Variants in NECAB1 observed in about 807,000 individuals in gnomAD.
NECAB1 encodes the protein N-terminal EF-hand calcium binding protein 1, also known as N-terminal EF-hand calcium-binding protein 1.
NECAB1 carries 29 observed loss-of-function variants against 57.5 expected under a neutral mutation model. The observed-to-expected ratio is 0.50, with a 90% CI of 0.38 to 0.69. The LOEUF is 0.69. Among genes scored for constraint, NECAB1 ranks in the 30% least tolerant of loss-of-function variants. NECAB1 has a pLI of 0.00. For missense variants in NECAB1, 372 were observed against 413.8 expected, an observed-to-expected ratio of 0.90 and a Z score of 0.88; for synonymous variants, 142 against 147.7, an observed-to-expected ratio of 0.96 and a Z score of 0.28.
At chr8:90,880,556 A>T (rs1051624032) in intron 4 of NECAB1, among the ~76,000 whole-genome samples, 1 of 151,208 alleles carries the variant, frequency 6.6e-6, no homozygotes, top group African/African-American at 2.4e-5. Flanking sequence ...AGATTGTGAC[A>T]GGGACAGTTA....
rs758397931 is a variant in NECAB1 at position 90,957,062 on chromosome 8, T to C, written c.*1550T>C. 4 of 151,562 alleles carry C rather than the reference T, an allele frequency of 2.6e-5. No individual in the cohort carries two copies. The highest frequency in any genetic ancestry group is 5.9e-5 in the Non-Finnish European group (4 of 67,836). The allele number at this position is 151,562 out of a possible 1,614,324, so 9.4% of individuals were successfully genotyped here. A position where few individuals can be genotyped will look rare whatever the true frequency, so the allele number is the denominator to read the frequency against. On this transcript the variant is annotated 3_prime_UTR_variant, in exon 13 of 13. Coordinates refer to ENST00000417640, the MANE Select transcript of NECAB1 (RefSeq NM_022351.5). Reference sequence around the variant, plus strand: ...CCTGGGTCAACTCTTTTAATTTATATACAAAGCAAAGAACAACATTAATGG... The same window carrying C: ...CCTGGGTCAACTCTTTTAATTTATACACAAAGCAAAGAACAACATTAATGG...
intron 3 of NECAB1, among the ~76,000 whole-genome samples, chr8:90,870,563 A>G (rs1007061781): frequency 6.6e-6 from 1 of 152,154 alleles, no homozygotes; most frequent in Non-Finnish European, 1.5e-5. Context: ...TGCCTCCTCT[A>G]CTACTATTTA....
chr8:90,894,396 T>G (rs186865928), intron 5 of NECAB1, among the ~76,000 whole-genome samples: 26 of 152,264 alleles, frequency 1.7e-4, no homozygotes, highest in Non-Finnish European at 1.3e-4. Context: ...TCAGAATATG[T>G]GGGATAAATG....
chr8:90,841,797 A>G (rs1812460922), intron 3 of NECAB1, among the ~76,000 whole-genome samples: 1 of 152,244 alleles, frequency 6.6e-6, no homozygotes, highest in Non-Finnish European at 1.5e-5. Flanking sequence ...CAGAAAAGCA[A>G]TCTGAATCCT....
At chr8:90,901,819 G>A (rs1015339831) in intron 5 of NECAB1, among the ~76,000 whole-genome samples, 8 of 152,074 alleles carry the variant, frequency 5.3e-5, no homozygotes, top group Admixed American at 5.2e-4. Flanking sequence ...ACATTTAATG[G>A]AGGAATGAGA....
intron 1 of NECAB1, among the ~76,000 whole-genome samples, chr8:90,798,393 C>G (rs952920732): frequency 6.6e-6 from 1 of 152,160 alleles, no homozygotes; most frequent in Non-Finnish European, 1.5e-5. Context: ...ATGATTCCAT[C>G]ACCCAGGTAG....
chr8:90,868,563 C>T (rs532774260), intron 3 of NECAB1, among the ~76,000 whole-genome samples: 16 of 152,258 alleles, frequency 1.1e-4, no homozygotes, highest in Non-Finnish European at 5.9e-5. Flanking sequence ...TGCCCCTGTT[C>T]TAAGGATCTG....
intron 6 of NECAB1, among the ~76,000 whole-genome samples, chr8:90,922,485 G>GTTTTTT: frequency 1.5e-5 from 1 of 65,220 alleles, no homozygotes; most frequent in East Asian, 1.0e-3. Context: ...CAAAAACTTG[G>GTTTTTT]ATTTTTTTTT....
At chr8:90,890,829 A>G (rs1473414511) in intron 5 of NECAB1, among the ~76,000 whole-genome samples, 1 of 152,190 alleles carries the variant, frequency 6.6e-6, no homozygotes, top group East Asian at 1.9e-4. Flanking sequence ...TTGCAACACA[A>G]TGCCCTCAAG....
chr8:90,922,901 A>G (rs989702906), intron 6 of NECAB1, among the ~76,000 whole-genome samples: 2 of 152,176 alleles, frequency 1.3e-5, no homozygotes, highest in African/African-American at 4.8e-5. Context: ...CCTTCAAAAC[A>G]TGACATAAAA....
intron 1 of NECAB1, among the ~76,000 whole-genome samples, chr8:90,800,034 T>G (rs962428484): frequency 1.1e-4 from 17 of 152,206 alleles, no homozygotes; most frequent in Non-Finnish European, 7.3e-5. Flanking sequence ...TTTGGTTAAA[T>G]GTATTCCTAG....
chr8:90,906,070 C>G lies in NECAB1; in HGVS notation c.358-11422C>G, dbSNP rs72662580. On this transcript the variant is annotated intron_variant, in intron 5 of 12. Transcript: ENST00000417640. ...TTTCTTTGTGTGATATGGATATGTG[C>G]GGGTAGATTGGCATTTTTCCACTAT... Among the ~76,000 whole-genome samples the G allele has an allele frequency of 3.1e-3, 476 of 152,066 alleles. 1 individual carries two copies. Among genetic ancestry groups the G allele is most frequent in the Non-Finnish European group, 5.0e-3 (340 of 67,982 alleles).
At chr8:90,807,407 A>G (rs1811866681) in intron 2 of NECAB1, among the ~76,000 whole-genome samples, 2 of 152,220 alleles carry the variant, frequency 1.3e-5, no homozygotes, top group African/African-American at 2.4e-5. Flanking sequence ...TAGAAGCTGG[A>G]ACAAAGGTTC....
chr8:90,921,150 G>C (rs1810100654), intron 6 of NECAB1, among the ~76,000 whole-genome samples: 1 of 152,062 alleles, frequency 6.6e-6, no homozygotes, highest in South Asian at 2.1e-4. Context: ...CCGAGTAACT[G>C]GGACTACAGT....
intron 8 of NECAB1, among the ~76,000 whole-genome samples, chr8:90,933,938 G>A (rs1810470373): frequency 6.6e-6 from 1 of 152,020 alleles, no homozygotes; most frequent in African/African-American, 2.4e-5. Context: ...CTCATTCATA[G>A]CAAAATAAAG....
chr8:90,906,582 C>G (rs955150262), intron 5 of NECAB1, among the ~76,000 whole-genome samples: 3 of 152,128 alleles, frequency 2.0e-5, no homozygotes, highest in African/African-American at 7.2e-5. Context: ...TGTTGACGCT[C>G]TTGGTTTTCT....
chr8:90,886,036 A>G (rs1808977198), intron 5 of NECAB1, among the ~76,000 whole-genome samples: 3 of 152,238 alleles, frequency 2.0e-5, no homozygotes, highest in African/African-American at 7.2e-5. Flanking sequence ...AAGGTGCATA[A>G]GCAAAGTTCT....
At chr8:90,860,430 T>C (rs1322295081) in intron 3 of NECAB1, among the ~76,000 whole-genome samples, 1 of 152,088 alleles carries the variant, frequency 6.6e-6, no homozygotes, top group Non-Finnish European at 1.5e-5. Flanking sequence ...CTTCAAGAAC[T>C]TACTAAACTA....
At chr8:90,954,088 A>G (rs1309237450) in intron 12 of NECAB1, among the ~76,000 whole-genome samples, 1 of 150,604 alleles carries the variant, frequency 6.6e-6, no homozygotes. Context: ...ATAAATAAAT[A>G]AATAAATAAA....
Sources: gnomAD v4.1 joint callset for allele counts (sites outside exome capture counted in the v4.1 genomes callset) on GRCh38, gnomAD v4.1.1 for gene constraint, MANE v1.5 for transcripts, NCBI Gene and HGNC (gene_info 2026-07-23, HGNC 2026-07-21) for gene names.